ALPL: variants seen among roughly 807,000 people sequenced by gnomAD.
The protein encoded by ALPL is alkaline phosphatase, tissue-nonspecific isozyme.
Under a neutral mutation model 51.3 loss-of-function variants are expected in ALPL, and 42 were observed. The observed-to-expected ratio is 0.82, with a 90% confidence interval of 0.64 to 1.06. The LOEUF (loss-of-function observed/expected upper bound fraction) is 1.06. Among genes scored for constraint, ALPL ranks in the 50% least tolerant of loss-of-function variants. The pLI, the probability that ALPL is intolerant of heterozygous loss-of-function variation, is 0.00. For synonymous variants in ALPL, 279 were observed against 296.4 expected, an observed-to-expected ratio of 0.94 and a Z score of 0.60; for missense variants, 589 against 709.4, an observed-to-expected ratio of 0.83 and a Z score of 1.93.
chr1:21,520,465 TC>T (rs1228381210), intron 1 of ALPL, among the ~76,000 whole-genome samples: 2 of 107,294 alleles, frequency 1.9e-5, no homozygotes, highest in South Asian at 4.8e-4. Flanking sequence ...TTCTTTTTTC[TC>T]TTTTTTTTTT....
chr1:21,525,580 G>A (rs1004380211), intron 1 of ALPL, among the ~76,000 whole-genome samples: 2 of 152,236 alleles, frequency 1.3e-5, no homozygotes, highest in African/African-American at 2.4e-5. Context: ...GGGGAAAGAC[G>A]GGTGCGGGAG....
At chr1:21,554,717 C>T (rs1644377066) in intron 2 of ALPL, among the ~76,000 whole-genome samples, 1 of 151,306 alleles carries the variant, frequency 6.6e-6, no homozygotes, top group African/African-American at 2.4e-5. Flanking sequence ...GTCTCGATCT[C>T]CTGACCTCAT....
intron 6 of ALPL, among the ~76,000 whole-genome samples, chr1:21,565,976 T>C (rs114522197): frequency 9.0e-4 from 137 of 152,100 alleles, no homozygotes; most frequent in East Asian, 4.7e-3. Context: ...TGCAGGAAGA[T>C]TGGGGGCTTC....
chr1:21,529,141 T>G (rs1281300510), intron 1 of ALPL, among the ~76,000 whole-genome samples: 1 of 152,178 alleles, frequency 6.6e-6, no homozygotes, highest in Non-Finnish European at 1.5e-5. Flanking sequence ...GATATCCTTT[T>G]ATATTTTCTT....
intron 4 of ALPL, among the ~76,000 whole-genome samples, 160 bp downstream of exon 4, chr1:21,561,372 A>C (rs576451449): frequency 1.3e-5 from 2 of 152,066 alleles, no homozygotes; most frequent in East Asian, 3.9e-4. Context: ...TTCTGACACC[A>C]TAGCATCACT....
chr1:21,547,212 A>T (rs1644264023), intron 1 of ALPL, among the ~76,000 whole-genome samples: 1 of 152,324 alleles, frequency 6.6e-6, no homozygotes, highest in South Asian at 2.1e-4. Context: ...CCGGGGCTCA[A>T]ATGGGAGAGA....
intron 10 of ALPL, 146 bp downstream of exon 10, chr1:21,576,070 G>GGA: frequency 1.9e-6 from 2 of 1,043,920 alleles, no homozygotes; most frequent in Admixed American, 3.9e-5. Context: ...CTGGGGATGG[G>GGA]GAGAAAATGC....
Position 21,573,718 on chromosome 1 carries a change from G to T in ALPL, c.916G>T (p.Asp306Tyr), listed in dbSNP as rs1333389837. The change falls in exon 9 of 12, where the codon GAC becomes TAC. Residue 306 changes from aspartate to tyrosine, a missense_variant. By Grantham distance (160) the Asp-to-Tyr change is radical (BLOSUM62 -3). Transcript: ENST00000374840. ...QYELNRNNVT[D>Y]PSLSEMVVVA... Reference sequence around the variant, plus strand: ...CGAGCTGAACAGGAACAACGTGACGGACCCGTCACTCTCCGAGATGGTGGT... The same window carrying T: ...CGAGCTGAACAGGAACAACGTGACGTACCCGTCACTCTCCGAGATGGTGGT... The T allele has an allele frequency of 6.2e-7, 1 of 1,614,020 alleles. No individual in the cohort carries two copies. The highest frequency in any genetic ancestry group is 8.5e-7 in the Non-Finnish European group (1 of 1,180,034).
At chr1:21,514,962 G>C (rs1043044855) in intron 1 of ALPL, among the ~76,000 whole-genome samples, 1 of 152,086 alleles carries the variant, frequency 6.6e-6, no homozygotes, top group Non-Finnish European at 1.5e-5. Context: ...AGGGAGGAGA[G>C]GACAGGCTGG....
chr1:21,566,440 C>T (rs988865020), intron 6 of ALPL, among the ~76,000 whole-genome samples: 6 of 152,176 alleles, frequency 3.9e-5, no homozygotes, highest in South Asian at 2.1e-4. Flanking sequence ...CACATCACCA[C>T]GCCCGGCTAA....
intron 1 of ALPL, among the ~76,000 whole-genome samples, chr1:21,517,005 A>G (rs28508264): frequency 0.14 from 20,626 of 152,258 alleles, 1,616 homozygotes; most frequent in African/African-American, 0.19. Flanking sequence ...GAACAGTTAC[A>G]TTAGCCTATA....
intron 1 of ALPL, among the ~76,000 whole-genome samples, chr1:21,535,272 A>G (rs10799703): frequency 0.46 from 69,332 of 151,956 alleles, 16,497 homozygotes; most frequent in African/African-American, 0.59. Context: ...ATTTCAGGGC[A>G]GTGCTGGTTT....
chr1:21,574,102 GC>G (rs1461856266), intron 9 of ALPL: 1 of 985,446 alleles, frequency 1.0e-6, no homozygotes, highest in African/African-American at 1.7e-5. Flanking sequence ...GGGGCAAGCA[GC>G]CCCTCAGCCT....
At chr1:21,539,193 G>T (rs1465324483) in intron 1 of ALPL, among the ~76,000 whole-genome samples, 1 of 151,864 alleles carries the variant, frequency 6.6e-6, no homozygotes, top group Non-Finnish European at 1.5e-5. Context: ...ATTCTGGCTC[G>T]CTCACTTACT....
At chr1:21,567,358 C>T (rs544592697) in intron 6 of ALPL, among the ~76,000 whole-genome samples, 1 of 151,168 alleles carries the variant, frequency 6.6e-6, no homozygotes, top group East Asian at 2.0e-4. Flanking sequence ...CCAAGGAAAA[C>T]AAACAGTCCC....
chr1:21,557,888 G>T (rs1249426413), intron 2 of ALPL, among the ~76,000 whole-genome samples: 1 of 152,158 alleles, frequency 6.6e-6, no homozygotes, highest in Non-Finnish European at 1.5e-5. Context: ...GGGCTTCCCT[G>T]TGCCAACCCC....
chr1:21,536,594 A>G (rs942142667), intron 1 of ALPL, among the ~76,000 whole-genome samples: 2 of 152,122 alleles, frequency 1.3e-5, no homozygotes, highest in Non-Finnish European at 2.9e-5. Context: ...TCTTCAGGCT[A>G]TACAAAGTGC....
At chr1:21,544,230 A>G (rs1363183038) in intron 1 of ALPL, among the ~76,000 whole-genome samples, 2 of 152,202 alleles carry the variant, frequency 1.3e-5, no homozygotes, top group Non-Finnish European at 2.9e-5. Context: ...CGCCAAAGGA[A>G]ACAGTTTCGG....
chr1:21,577,813 AT>A lies in ALPL; in HGVS notation c.*166del. The A allele has an allele frequency of 1.0e-6, 1 of 976,060 alleles. No individual in the cohort carries two copies. The highest frequency in any genetic ancestry group is 1.5e-6 in the Non-Finnish European group (1 of 677,042). The allele number at this position is 976,060 out of a possible 1,614,324, so 60.5% of individuals were successfully genotyped here. ...GCCGCCCACCTCGCTCCCCTCTGGA[AT>A]CTTCCCCAAGGGCCAAACCCACTTC... On this transcript the variant is annotated 3_prime_UTR_variant, in exon 12 of 12. Coordinates refer to ENST00000374840, the MANE Select transcript of ALPL (RefSeq NM_000478.6).
Sources: allele counts gnomAD v4.1 joint callset (sites outside exome capture counted in the v4.1 genomes callset), GRCh38; gene constraint gnomAD v4.1.1; transcripts MANE v1.5; gene names NCBI Gene and HGNC (gene_info 2026-07-23, HGNC 2026-07-21).